The following PCDHA2 variants were observed in gnomAD, a reference collection of about 807,000 sequenced individuals.
PCDHA2 encodes protocadherin alpha-2.
A neutral mutation model predicts 66.0 loss-of-function variants in PCDHA2; 58 were observed. That is an observed-to-expected ratio of 0.88 (90% CI 0.71 to 1.09). The LOEUF (loss-of-function observed/expected upper bound fraction) is 1.09. Ranked by LOEUF, PCDHA2 falls within the 50% of genes least tolerant of loss-of-function variation. PCDHA2 has a pLI of 0.00. For missense variants in PCDHA2, 1,267 were observed against 1,242.3 expected (o/e 1.02, Z -0.30); for synonymous variants, 634 against 554.0 (o/e 1.14, Z -2.03).
intron 3 of PCDHA2, among the ~76,000 whole-genome samples, chr5:141,008,980 A>C (rs533099581): frequency 6.6e-6 from 1 of 152,374 alleles, no homozygotes; most frequent in African/African-American, 2.4e-5. Context: ...GCCAAAGTTT[A>C]ATCTAGACAC....
chr5:140,877,419 G>A (rs1554169722), intron 1 of PCDHA2: 1 of 1,613,922 alleles, frequency 6.2e-7, no homozygotes, highest in Non-Finnish European at 8.5e-7. Context: ...GCCTGCTGGT[G>A]CTGGTGAAGG....
At chr5:140,883,349 GA>G in intron 1 of PCDHA2, 1 of 1,614,142 alleles carries the variant, frequency 6.2e-7, no homozygotes, top group Non-Finnish European at 8.5e-7. Flanking sequence ...CCCCATCAGA[GA>G]AGACACTCAG....
intron 1 of PCDHA2, chr5:140,871,263 G>C: frequency 6.2e-7 from 1 of 1,614,010 alleles, no homozygotes; most frequent in Non-Finnish European, 8.5e-7. Context: ...ATACGGCGCT[G>C]TGGTGGTCGG....
At chr5:140,913,205 C>G (rs2076252546) in intron 1 of PCDHA2, among the ~76,000 whole-genome samples, 1 of 152,176 alleles carries the variant, frequency 6.6e-6, no homozygotes, top group South Asian at 2.1e-4. Context: ...GCAGTGAAGC[C>G]AATGGGTCCC....
At chr5:140,979,690 A>G (rs2096860224) in intron 2 of PCDHA2, among the ~76,000 whole-genome samples, 1 of 152,252 alleles carries the variant, frequency 6.6e-6, no homozygotes, top group Non-Finnish European at 1.5e-5. Context: ...ATTAACTACC[A>G]TTATTTCTGG....
chr5:140,909,202 G>A (rs1849054), intron 1 of PCDHA2, among the ~76,000 whole-genome samples: 48,059 of 152,084 alleles, frequency 0.32, 7,957 homozygotes, highest in East Asian at 0.53. Context: ...ACACAAAGCC[G>A]GAGAGTTGAT....
chr5:140,836,131 G>A (rs1554135629), intron 1 of PCDHA2: 2 of 1,613,752 alleles, frequency 1.2e-6, no homozygotes, highest in Admixed American at 1.7e-5. Context: ...CTTGTGCCGC[G>A]GTCTGTGGGC....
At chr5:140,812,940 C>T (rs1765202125) in intron 1 of PCDHA2, 2 of 152,160 alleles carry the variant, frequency 1.3e-5, no homozygotes, top group African/African-American at 4.8e-5. Flanking sequence ...TACATATTTG[C>T]AGATTTTCCA....
At chr5:140,870,755 A>G in intron 1 of PCDHA2, 3 of 1,613,522 alleles carry the variant, frequency 1.9e-6, no homozygotes, top group Non-Finnish European at 2.5e-6. Flanking sequence ...GTGACGCTGC[A>G]GGTGTTCGTG....
intron 1 of PCDHA2, chr5:140,848,856 G>T: frequency 1.3e-6 from 2 of 1,590,682 alleles, no homozygotes; most frequent in South Asian, 2.2e-5. Context: ...CCATGTGGAC[G>T]TGGAGGTGAA....
intron 1 of PCDHA2, among the ~76,000 whole-genome samples, chr5:140,919,973 A>T (rs1554199334): frequency 7.5e-6 from 1 of 133,994 alleles, no homozygotes; most frequent in Non-Finnish European, 1.7e-5. Context: ...TAAATAAGAG[A>T]TAGAAGATGG....
intron 3 of PCDHA2, among the ~76,000 whole-genome samples, chr5:140,985,189 G>A (rs1440212716): frequency 3.3e-5 from 5 of 152,004 alleles, no homozygotes; most frequent in African/African-American, 9.7e-5. Context: ...CGCCTGCCTC[G>A]GTCTCCCAAA....
At chr5:140,817,284 G>A (rs1412260220) in intron 1 of PCDHA2, 1 of 152,288 alleles carries the variant, frequency 6.6e-6, no homozygotes, top group Non-Finnish European at 1.5e-5. Flanking sequence ...TGTGCTGCTG[G>A]ATGGGACTAT....
intron 1 of PCDHA2, among the ~76,000 whole-genome samples, chr5:140,945,282 T>C (rs1554216856): frequency 6.6e-6 from 1 of 152,062 alleles, no homozygotes; most frequent in African/African-American, 2.4e-5. Context: ...TTTAAAACAT[T>C]GATGAAAGAA....
At chr5:140,997,636 A>G (rs2097777002) in intron 3 of PCDHA2, among the ~76,000 whole-genome samples, 2 of 151,964 alleles carry the variant, frequency 1.3e-5, no homozygotes, top group African/African-American at 4.8e-5. Flanking sequence ...AAAAAGCAAA[A>G]TGGGATAATG....
intron 1 of PCDHA2, among the ~76,000 whole-genome samples, chr5:140,958,643 T>C (rs2095435479): frequency 1.3e-5 from 2 of 152,020 alleles, no homozygotes. Flanking sequence ...AGAAAACCAA[T>C]CACAGAAAGC....
chr5:140,801,163 T>C (rs782264526), intron 1 of PCDHA2: 2 of 1,557,588 alleles, frequency 1.3e-6, no homozygotes, highest in Non-Finnish European at 1.7e-6. Context: ...TTTGGATCAA[T>C]GTAAAGGCAA....
intron 1 of PCDHA2, chr5:140,803,280 G>A: frequency 1.2e-6 from 2 of 1,614,062 alleles, no homozygotes; most frequent in South Asian, 2.2e-5. Flanking sequence ...TGCACTGGTG[G>A]ATGTCAACGT....
intron 1 of PCDHA2, among the ~76,000 whole-genome samples, chr5:140,951,776 T>C (rs1301757181): frequency 2.6e-5 from 4 of 152,140 alleles, no homozygotes; most frequent in East Asian, 1.9e-4. Context: ...CGTTCTTACA[T>C]TGCAAAATAC....
Sources: allele counts gnomAD v4.1 joint callset (sites outside exome capture counted in the v4.1 genomes callset), GRCh38; gene constraint gnomAD v4.1.1; transcripts MANE v1.5; gene names NCBI Gene and HGNC (gene_info 2026-07-23, HGNC 2026-07-21).